The following SCAPER variants were observed in gnomAD, a reference collection of about 807,000 sequenced individuals.
The protein encoded by SCAPER is S phase cyclin A-associated protein in the endoplasmic reticulum.
A neutral mutation model predicts 182.2 loss-of-function variants in SCAPER; 98 were observed. The ratio of observed to expected loss-of-function variants is 0.54; its 90% CI spans 0.46 to 0.64. The LOEUF is 0.64. Among genes scored for constraint, SCAPER ranks in the 30% least tolerant of loss-of-function variants. The pLI is 0.00. For synonymous variants in SCAPER, 605 were observed against 564.6 expected, an observed-to-expected ratio of 1.07 and a Z score of -1.01; for missense variants, 1,432 against 1,690.0, an observed-to-expected ratio of 0.85 and a Z score of 2.68.
intron 1 of SCAPER, 23 bp from the exon 2 acceptor site, chr15:76,883,899 G>A (rs766060113): frequency 8.7e-6 from 9 of 1,030,466 alleles, no homozygotes; most frequent in South Asian, 1.6e-5. Context: ...ATATATATAC[G>A]CTTAGTTATA....
At chr15:76,764,867 A>C in intron 14 of SCAPER, 94 bp downstream of exon 14, 1 of 653,056 alleles carries the variant, frequency 1.5e-6, no homozygotes, top group Non-Finnish European at 2.5e-6. Context: ...AATTATTTTT[A>C]TGGTTATTTT....
At position 76,495,993 on chromosome 15, in the gene SCAPER, G is replaced by GACAC. The variant is rs971206080; in HGVS notation, c.2954+8862_2954+8865dup. Among the ~76,000 whole-genome samples the GACAC allele has an allele frequency of 4.0e-3, 231 of 58,466 alleles. 2 individuals carry two copies. The highest frequency in any genetic ancestry group is 8.7e-3 in the African/African-American group (152 of 17,448). 38.4% of individuals were successfully genotyped at this position (58,466 alleles called of 152,430 possible). ...AAAGAGAAAGAAAGCAAAAGAGAGA[G>GACAC]ACACACACACACACACACACACACA... On this transcript the variant is annotated intron_variant, in intron 24 of 31. Coordinates refer to ENST00000563290, the MANE Select transcript of SCAPER (RefSeq NM_020843.4).
intron 23 of SCAPER, among the ~76,000 whole-genome samples, chr15:76,540,266 G>A (rs186871169): frequency 6.6e-5 from 10 of 151,922 alleles, no homozygotes; most frequent in Non-Finnish European, 1.3e-4. Flanking sequence ...GATGGGTATG[G>A]TGATGCATGC....
At chr15:76,866,260 CGTGTGTGT>C (rs965292328) in intron 2 of SCAPER, among the ~76,000 whole-genome samples, 2 of 146,046 alleles carry the variant, frequency 1.4e-5, no homozygotes, top group Non-Finnish European at 3.1e-5. Context: ...TGTGTGTGTG[CGTGTGTGT>C]GTGTATATCA....
At chr15:76,391,046 C>A (rs915607140) in intron 27 of SCAPER, among the ~76,000 whole-genome samples, 2 of 152,168 alleles carry the variant, frequency 1.3e-5, no homozygotes, top group African/African-American at 4.8e-5. Context: ...AGATTTCTCA[C>A]CTTTCTGTCC....
chr15:76,376,498 A>C (rs982152155), intron 28 of SCAPER, among the ~76,000 whole-genome samples, 187 bp from the exon 29 acceptor site: 2 of 152,218 alleles, frequency 1.3e-5, no homozygotes, highest in East Asian at 3.8e-4. Context: ...AATAAATGCA[A>C]TGTTTAACCT....
At chr15:76,522,417 A>G (rs890336209) in intron 23 of SCAPER, among the ~76,000 whole-genome samples, 7 of 152,154 alleles carry the variant, frequency 4.6e-5, no homozygotes, top group Non-Finnish European at 8.8e-5. Flanking sequence ...TCATCTTCAA[A>G]TAATAAACTA....
chr15:76,670,057 T>C (rs35497419), intron 20 of SCAPER, among the ~76,000 whole-genome samples: 2,013 of 152,248 alleles, frequency 0.013, 30 homozygotes, highest in Middle Eastern at 0.027. Context: ...CAAAACCACA[T>C]ACATCAGGCA....
At chr15:76,802,084 T>A (rs1362321702) in intron 6 of SCAPER, among the ~76,000 whole-genome samples, 1 of 152,118 alleles carries the variant, frequency 6.6e-6, no homozygotes, top group African/African-American at 2.4e-5. Flanking sequence ...AAAATTTTTT[T>A]TTAATGCATT....
At chr15:76,610,472 T>A (rs983873591) in intron 22 of SCAPER, among the ~76,000 whole-genome samples, 1 of 152,014 alleles carries the variant, frequency 6.6e-6, no homozygotes, top group Admixed American at 6.6e-5. Flanking sequence ...ATAAAATGCA[T>A]CCAATTTGGA....
At chr15:76,654,496 C>T (rs1359254092) in intron 21 of SCAPER, among the ~76,000 whole-genome samples, 2 of 151,962 alleles carry the variant, frequency 1.3e-5, no homozygotes, top group African/African-American at 2.4e-5. Context: ...GTGAGGCTAC[C>T]GAGAAAAGAG....
chr15:76,884,627 T>C (rs1444519945), intron 1 of SCAPER, among the ~76,000 whole-genome samples: 1 of 152,210 alleles, frequency 6.6e-6, no homozygotes, highest in African/African-American at 2.4e-5. Context: ...GAAGAAAATC[T>C]AGATCATTTA....
At chr15:76,446,965 C>T (rs754312377) in intron 25 of SCAPER, among the ~76,000 whole-genome samples, 1 of 152,160 alleles carries the variant, frequency 6.6e-6, no homozygotes, top group Non-Finnish European at 1.5e-5. Flanking sequence ...CTTCATTGTA[C>T]AACAGACTCT....
chr15:76,775,912 T>A (rs1032951255), intron 8 of SCAPER, among the ~76,000 whole-genome samples: 1 of 152,210 alleles, frequency 6.6e-6, no homozygotes, highest in Non-Finnish European at 1.5e-5. Flanking sequence ...ATAGTGGTGC[T>A]TATAGCCCCA....
chr15:76,571,233 T>C (rs543256926), intron 23 of SCAPER, among the ~76,000 whole-genome samples: 1 of 152,292 alleles, frequency 6.6e-6, no homozygotes, highest in South Asian at 2.1e-4. Context: ...TAATTACTTC[T>C]TAGCTATTTG....
At chr15:76,902,891 T>C (rs962232336) in intron 1 of SCAPER, among the ~76,000 whole-genome samples, 1 of 152,040 alleles carries the variant, frequency 6.6e-6, no homozygotes, top group Admixed American at 6.6e-5. Context: ...ACCCGGTCTC[T>C]ACTAAAAATA....
chr15:76,447,583 GT>G (rs1325726734), intron 25 of SCAPER, among the ~76,000 whole-genome samples: 3 of 152,144 alleles, frequency 2.0e-5, no homozygotes, highest in Non-Finnish European at 4.4e-5. Context: ...CTTGGTGTGT[GT>G]GTCGGAAGAC....
intron 17 of SCAPER, among the ~76,000 whole-genome samples, chr15:76,725,395 TTCTC>T (rs1037439621): frequency 2.1e-5 from 3 of 145,590 alleles, no homozygotes; most frequent in Non-Finnish European, 3.1e-5. Flanking sequence ...CCACCCTGAA[TTCTC>T]TCTCTTAGTG....
intron 5 of SCAPER, among the ~76,000 whole-genome samples, chr15:76,811,372 G>A (rs1408387792): frequency 1.3e-5 from 2 of 152,006 alleles, no homozygotes; most frequent in East Asian, 1.9e-4. Flanking sequence ...ACAGAAACAT[G>A]GAAATTAAAT....
Sources: gnomAD v4.1 joint callset for allele counts (sites outside exome capture counted in the v4.1 genomes callset) on GRCh38, gnomAD v4.1.1 for gene constraint, MANE v1.5 for transcripts, NCBI Gene and HGNC (gene_info 2026-07-23, HGNC 2026-07-21) for gene names.